Variants in LASP1 observed in about 807,000 individuals in gnomAD.
The protein encoded by LASP1 is LIM and SH3 protein 1, also known as LIM and SH3 domain protein 1.
Under a neutral mutation model 38.6 loss-of-function variants are expected in LASP1, and 10 were observed. The observed-to-expected ratio is 0.26, with a 90% CI of 0.16 to 0.44. The LOEUF (loss-of-function observed/expected upper bound fraction) is 0.44. Among genes scored for constraint, LASP1 ranks in the 20% least tolerant of loss-of-function variants. LASP1 has a pLI of 1.00. For missense variants in LASP1, 243 were observed against 375.7 expected, an observed-to-expected ratio of 0.65 and a Z score of 2.92; for synonymous variants, 132 against 140.8, an observed-to-expected ratio of 0.94 and a Z score of 0.44.
chr17:38,879,779 C>G (rs1055828675), intron 2 of LASP1, among the ~76,000 whole-genome samples: 2 of 152,058 alleles, frequency 1.3e-5, no homozygotes, highest in African/African-American at 4.8e-5. Context: ...ATTCAGCAGA[C>G]ATTTATTGCC....
chr17:38,897,137 G>A, intron 3 of LASP1: 1 of 928,058 alleles, frequency 1.1e-6, no homozygotes. Flanking sequence ...GAACTAATGG[G>A]GAACAGCACA....
Position 38,919,625 on chromosome 17 carries a change from G to A in LASP1, c.*847G>A, listed in dbSNP as rs192186335. 3.8e-4 allele frequency: 111 copies of A among 293,314 alleles called. No individual in the cohort carries two copies. In the East Asian group the frequency reaches 5.2e-3, roughly 14 times the overall value. The allele number at this position is 293,314 out of a possible 1,614,324, so 18.2% of individuals were successfully genotyped here. A position where few individuals can be genotyped will look rare whatever the true frequency, so the allele number is the denominator to read the frequency against. On this transcript the variant is annotated 3_prime_UTR_variant, in exon 7 of 7. Coordinates refer to ENST00000318008, the MANE Select transcript of LASP1 (RefSeq NM_006148.4). ...AGGCTGGAAGCCATGGTCCCGAAGTGTAGGGCAAGGGTGCCTCAGGACCTT... is the reference window on the plus strand; with the variant it reads ...AGGCTGGAAGCCATGGTCCCGAAGTATAGGGCAAGGGTGCCTCAGGACCTT...
chr17:38,904,607 A>T (rs2143804019), intron 4 of LASP1: 1 of 152,342 alleles, frequency 6.6e-6, no homozygotes. Flanking sequence ...ATAAAAAAAA[A>T]AAAAGGAAAA....
chr17:38,908,706 G>A (rs570046019), intron 4 of LASP1, among the ~76,000 whole-genome samples: 2 of 152,208 alleles, frequency 1.3e-5, no homozygotes, highest in African/African-American at 4.8e-5. Context: ...CTCTGTCCAG[G>A]CCCTTACCAC....
chr17:38,921,726 CTT>C lies in LASP1; in HGVS notation c.*2950_*2951del, dbSNP rs1653058497. ...CATTTGACTTGAACCACAAGTGAATCTTTCTCCTGGTGACTCAAATAAAAGTA... is the reference window on the plus strand; with the variant it reads ...CATTTGACTTGAACCACAAGTGAATCTCTCCTGGTGACTCAAATAAAAGTA... On this transcript the variant is annotated 3_prime_UTR_variant, in exon 7 of 7. Transcript: ENST00000318008. 1 of 227,672 alleles carries C rather than the reference CTT, an allele frequency of 4.4e-6. No individual in the cohort carries two copies. 14.1% of individuals were successfully genotyped at this position (227,672 alleles called of 1,614,324 possible). A position where few individuals can be genotyped will look rare whatever the true frequency, so the allele number is the denominator to read the frequency against.
intron 2 of LASP1, among the ~76,000 whole-genome samples, chr17:38,878,775 G>C (rs1448685497): frequency 2.0e-5 from 3 of 152,186 alleles, no homozygotes; most frequent in Non-Finnish European, 4.4e-5. Context: ...CATAAAGGGT[G>C]TTGCCTGGGC....
intron 4 of LASP1, among the ~76,000 whole-genome samples, chr17:38,909,728 C>CTTATTCAT (rs1555556262): frequency 2.0e-5 from 3 of 149,896 alleles, no homozygotes; most frequent in Non-Finnish European, 4.5e-5. Flanking sequence ...TCTTTTTCAT[C>CTTATTCAT]TCATTCATTC....
intron 3 of LASP1, among the ~76,000 whole-genome samples, chr17:38,897,633 G>C (rs1222050070): frequency 6.6e-6 from 1 of 152,218 alleles, no homozygotes; most frequent in Non-Finnish European, 1.5e-5. Flanking sequence ...CTAGTACTGT[G>C]GTGGGGTGGA....
At chr17:38,872,618 G>A (rs551746686) in intron 1 of LASP1, among the ~76,000 whole-genome samples, 5 of 152,300 alleles carry the variant, frequency 3.3e-5, no homozygotes, top group African/African-American at 1.2e-4. Context: ...GCTGTGACCA[G>A]GGAGGAGGGG....
chr17:38,907,540 C>T (rs1914806585), intron 4 of LASP1, among the ~76,000 whole-genome samples: 1 of 152,164 alleles, frequency 6.6e-6, no homozygotes, highest in Non-Finnish European at 1.5e-5. Context: ...TCATGTTCCT[C>T]TTCTGGAAGA....
intron 3 of LASP1, among the ~76,000 whole-genome samples, chr17:38,894,700 C>A (rs1010780208): frequency 4.5e-4 from 69 of 152,072 alleles, no homozygotes; most frequent in African/African-American, 1.6e-3. Context: ...CCCTTTCCAT[C>A]AGCTCTCCTC....
At chr17:38,889,934 C>T (rs1914256146) in intron 2 of LASP1, among the ~76,000 whole-genome samples, 2 of 152,210 alleles carry the variant, frequency 1.3e-5, no homozygotes, top group Admixed American at 6.5e-5. Context: ...AGGAAGTCCC[C>T]CTGGATATGT....
chr17:38,879,564 G>A (rs1162971822), intron 2 of LASP1, among the ~76,000 whole-genome samples: 1 of 135,854 alleles, frequency 7.4e-6, no homozygotes, highest in African/African-American at 2.7e-5. Context: ...CTTGAGTCCA[G>A]TTTTTTTTTT....
chr17:38,890,654 A>C, intron 3 of LASP1, 150 bp downstream of exon 3: 1 of 702,286 alleles, frequency 1.4e-6, no homozygotes, highest in Non-Finnish European at 2.5e-6. Flanking sequence ...TCTTGACCCC[A>C]CCCCTGACTT....
chr17:38,903,910 C>T (rs935084478), intron 4 of LASP1: 3 of 152,180 alleles, frequency 2.0e-5, no homozygotes, highest in Non-Finnish European at 4.4e-5. Context: ...TGGGTCCATG[C>T]TATGGGATAA....
At chr17:38,878,636 G>GT (rs1913852185) in intron 2 of LASP1, among the ~76,000 whole-genome samples, 1 of 152,160 alleles carries the variant, frequency 6.6e-6, no homozygotes, top group Non-Finnish European at 1.5e-5. Context: ...AAAATCGACA[G>GT]TTTCCTTCTC....
chr17:38,880,135 G>A (rs1913900404), intron 2 of LASP1, among the ~76,000 whole-genome samples: 1 of 152,216 alleles, frequency 6.6e-6, no homozygotes, highest in Non-Finnish European at 1.5e-5. Flanking sequence ...AGAAGCCAGG[G>A]CAGTTAACCC....
At chr17:38,879,448 C>T (rs1913876676) in intron 2 of LASP1, among the ~76,000 whole-genome samples, 2 of 151,414 alleles carry the variant, frequency 1.3e-5, no homozygotes, top group Non-Finnish European at 1.5e-5. Flanking sequence ...TAAGCCACCT[C>T]GCCCAGCCTT....
intron 4 of LASP1, among the ~76,000 whole-genome samples, chr17:38,902,499 T>C (rs1189140738): frequency 1.3e-5 from 2 of 151,140 alleles, no homozygotes; most frequent in Non-Finnish European, 2.9e-5. Flanking sequence ...CATGAGCCAC[T>C]GCGCCTGGGA....
Sources: gnomAD v4.1 joint callset for allele counts (sites outside exome capture counted in the v4.1 genomes callset) on GRCh38, gnomAD v4.1.1 for gene constraint, MANE v1.5 for transcripts, NCBI Gene and HGNC (gene_info 2026-07-23, HGNC 2026-07-21) for gene names.